Variants in AMDHD1 observed in about 807,000 individuals in gnomAD.
AMDHD1 encodes amidohydrolase domain containing 1, also known as probable imidazolonepropionase.
AMDHD1 carries 45 observed loss-of-function variants against 44.1 expected under a neutral mutation model. The observed-to-expected ratio is 1.02, with a 90% CI of 0.80 to 1.31. AMDHD1 has a LOEUF of 1.31. Among genes scored for constraint, AMDHD1 ranks in the 50% most tolerant of loss-of-function variants. AMDHD1 has a pLI of 0.00. For synonymous variants in AMDHD1, 206 were observed against 205.0 expected, an observed-to-expected ratio of 1.00 and a Z score of -0.04; for missense variants, 586 against 552.1, an observed-to-expected ratio of 1.06 and a Z score of -0.61.
intron 4 of AMDHD1, among the ~76,000 whole-genome samples, chr12:95,957,768 T>C (rs956130580): frequency 2.6e-5 from 4 of 152,208 alleles, no homozygotes; most frequent in African/African-American, 7.2e-5. Context: ...AATTCCGTTT[T>C]TAGGCCAGGC....
Position 95,966,296 on chromosome 12 carries a change from T to C in AMDHD1, c.1033-52T>C, listed in dbSNP as rs77796595. 206 of 1,598,716 alleles carry C rather than the reference T, an allele frequency of 1.3e-4. No individual in the cohort carries two copies. In the African/African-American group the frequency reaches 2.4e-3, roughly 18 times the overall value. ...GTGCTGTGTTGAGAAATGTTTTAAATTGCAGTTGCCATATGTCACTTTCCT... is the reference window on the plus strand; with the variant it reads ...GTGCTGTGTTGAGAAATGTTTTAAACTGCAGTTGCCATATGTCACTTTCCT... On this transcript the variant is annotated intron_variant, in intron 7 of 8. Coordinates refer to ENST00000266736, the MANE Select transcript of AMDHD1 (RefSeq NM_152435.3).
intron 6 of AMDHD1, 33 bp from the exon 7 acceptor site, chr12:95,965,652 TC>T: frequency 6.7e-7 from 1 of 1,492,274 alleles, no homozygotes; most frequent in South Asian, 1.2e-5. Flanking sequence ...AAGCTCCCAT[TC>T]TAGAGACTGA....
Position 95,967,679 on chromosome 12 carries a change from T to C in AMDHD1, c.1194-77T>C, listed in dbSNP as rs1057427968. On this transcript the variant is annotated intron_variant, in intron 8 of 8. Transcript: ENST00000266736. Reference sequence around the variant, plus strand: ...ATGTGTAGGGAATGCATTTTAAAATTAGCATTTATTGATAAAGTAATAATT... The same window carrying C: ...ATGTGTAGGGAATGCATTTTAAAATCAGCATTTATTGATAAAGTAATAATT... 6.9e-6 allele frequency: 8 copies of C among 1,160,988 alleles called. No individual in the cohort carries two copies. The Admixed American group carries it at 2.2e-4, about 32-fold the overall frequency. The allele number at this position is 1,160,988 out of a possible 1,614,324, so 71.9% of individuals were successfully genotyped here.
chr12:95,957,481 T>C (rs2080557884), intron 4 of AMDHD1, among the ~76,000 whole-genome samples: 1 of 152,192 alleles, frequency 6.6e-6, no homozygotes, highest in South Asian at 2.1e-4. Context: ...TGTAGAGAAC[T>C]CTGTTCCTTT....
At chr12:95,945,279 G>A (rs1251504901) in intron 1 of AMDHD1, among the ~76,000 whole-genome samples, 1 of 152,194 alleles carries the variant, frequency 6.6e-6, no homozygotes, top group Non-Finnish European at 1.5e-5. Flanking sequence ...TCTGGAAGAT[G>A]GGGCTTTTTC....
At position 95,943,521 on chromosome 12, in the gene AMDHD1, C is replaced by T. The variant is rs17852641; in HGVS notation, c.123C>T (p.Ser41=). 6.8e-7 allele frequency: 1 copy of T among 1,474,584 alleles called. No individual in the cohort carries two copies. Among genetic ancestry groups the T allele is most frequent in the Non-Finnish European group, 9.0e-7 (1 of 1,116,406 alleles). 91.3% of individuals were successfully genotyped at this position (1,474,584 alleles called of 1,614,324 possible). A position where few individuals can be genotyped will look rare whatever the true frequency, so the allele number is the denominator to read the frequency against. Residue 41 remains serine (S), a synonymous_variant, in exon 1 of 9, where the codon AGC becomes AGT. Coordinates refer to ENST00000266736, the MANE Select transcript of AMDHD1 (RefSeq NM_152435.3). ...GCCTGGCGGTGCTGGAAGGCGCCAGCCTGGTGGTGGGCAAGTAAGTGGCCG... is the reference window on the plus strand; with the variant it reads ...GCCTGGCGGTGCTGGAAGGCGCCAGTCTGGTGGTGGGCAAGTAAGTGGCCG... ...LRSLAVLEGA[S]LVVGKDGFIK... is the part of the protein sequence containing the mutation.
intron 1 of AMDHD1, among the ~76,000 whole-genome samples, chr12:95,946,777 C>A (rs1283169332): frequency 6.4e-5 from 2 of 31,298 alleles, no homozygotes; most frequent in Non-Finnish European, 1.1e-4. Context: ...AGGCACGCGC[C>A]GCCACGCCTG....
chr12:95,943,416 C>A lies in AMDHD1; in HGVS notation c.18C>A (p.Ser6Arg). The change falls in exon 1 of 9, where the codon AGC (serine) becomes AGA (arginine). Residue 6 changes from serine to arginine, a missense_variant. Ser to Arg is a moderately radical substitution (Grantham distance 110, BLOSUM62 -1). Coordinates refer to ENST00000266736, the MANE Select transcript of AMDHD1 (RefSeq NM_152435.3). ...GAGGCGACATGGCAAGCGGCCACAGCCTCCTGCTGGAGAACGCGCAGCAAG... is the reference window on the plus strand; with the variant it reads ...GAGGCGACATGGCAAGCGGCCACAGACTCCTGCTGGAGAACGCGCAGCAAG... MASGH[S>R]LLLENAQQVV... is the part of the protein sequence containing the mutation. The A allele has an allele frequency of 6.7e-7, 1 of 1,503,208 alleles. No homozygotes were observed. The allele number at this position is 1,503,208 out of a possible 1,614,324, so 93.1% of individuals were successfully genotyped here.
intron 6 of AMDHD1, among the ~76,000 whole-genome samples, chr12:95,963,118 C>T (rs2080590954): frequency 6.6e-6 from 1 of 152,140 alleles, no homozygotes; most frequent in East Asian, 1.9e-4. Flanking sequence ...ATATGATATC[C>T]AAGATTGTGG....
At chr12:95,958,784 G>A (rs1039545197) in intron 4 of AMDHD1, among the ~76,000 whole-genome samples, 7 of 152,154 alleles carry the variant, frequency 4.6e-5, no homozygotes, top group African/African-American at 1.4e-4. Flanking sequence ...GGCAGGGCAC[G>A]GTGGCACATA....
chr12:95,960,812 T>G (rs959955983), intron 5 of AMDHD1, among the ~76,000 whole-genome samples, 189 bp downstream of exon 5: 6 of 152,208 alleles, frequency 3.9e-5, no homozygotes, highest in Non-Finnish European at 7.3e-5. Flanking sequence ...ACTTTTTTGC[T>G]GATGATTTAC....
chr12:95,962,172 G>A (rs1320749559), intron 5 of AMDHD1, among the ~76,000 whole-genome samples, 183 bp from the exon 6 acceptor site: 2 of 152,240 alleles, frequency 1.3e-5, no homozygotes, highest in South Asian at 2.1e-4. Flanking sequence ...AGGCTGAGGT[G>A]GGAGAATTGC....
At position 95,967,849 on chromosome 12, in the gene AMDHD1, T is replaced by G; in HGVS notation, c.*6T>G. 1 of 1,548,900 alleles carries G rather than the reference T, an allele frequency of 6.5e-7. No homozygotes were observed. Among genetic ancestry groups the G allele is most frequent in the East Asian group, 2.3e-5 (1 of 44,034 alleles). On this transcript the variant is annotated 3_prime_UTR_variant, in exon 9 of 9. Transcript: ENST00000266736. ...AACTCATCTATAAAACATGATAGATTTGAAAAGAGAAGACTTTTTGACTAT... is the reference window on the plus strand; with the variant it reads ...AACTCATCTATAAAACATGATAGATGTGAAAAGAGAAGACTTTTTGACTAT...
intron 3 of AMDHD1, 22 bp from the exon 4 acceptor site, chr12:95,956,663 T>G (rs1268889603): frequency 6.2e-7 from 1 of 1,611,604 alleles, no homozygotes; most frequent in Non-Finnish European, 8.5e-7. Flanking sequence ...TGTGCTGGCC[T>G]AAAGGTGAGG....
intron 6 of AMDHD1, among the ~76,000 whole-genome samples, chr12:95,965,163 G>A (rs2080603189): frequency 6.6e-6 from 1 of 151,846 alleles, no homozygotes; most frequent in Non-Finnish European, 1.5e-5. Context: ...CCTGGGCGTG[G>A]TGGTGGGTGC....
Position 95,965,702 on chromosome 12 carries a change from G to A in AMDHD1, c.955G>A (p.Ala319Thr), listed in dbSNP as rs1462145993. 1 of 1,612,460 alleles carries A rather than the reference G, an allele frequency of 6.2e-7. No individual in the cohort carries two copies. Among genetic ancestry groups the A allele is most frequent in the South Asian group, 1.1e-5 (1 of 90,688 alleles). ...TCCCCTTAGACTGAAACAACCTCGA[G>A]CCAGGAAGATGTTAGATGAAGGAGT... is the stretch of plus-strand genomic sequence containing the variant. ...AYMLRLKQPR[A>T]RKMLDEGVIV... The change falls in exon 7 of 9, where the codon GCC (alanine) becomes ACC (threonine). Residue 319 changes from alanine to threonine, a missense_variant. By Grantham distance (58) the Ala-to-Thr change is moderately conservative (BLOSUM62 0). Transcript: ENST00000266736.
chr12:95,962,564 A>G, intron 6 of AMDHD1, 85 bp downstream of exon 6: 1 of 1,409,354 alleles, frequency 7.1e-7, no homozygotes, highest in Non-Finnish European at 9.4e-7. Context: ...ACATTATTTC[A>G]TTGCCCTTAC....
At chr12:95,960,707 G>A in intron 5 of AMDHD1, 84 bp downstream of exon 5, 1 of 1,373,564 alleles carries the variant, frequency 7.3e-7, no homozygotes, top group Non-Finnish European at 1.0e-6. Context: ...TTTCTTCAAA[G>A]CCCTCTGAAA....
At chr12:95,964,300 C>T (rs1415571506) in intron 6 of AMDHD1, among the ~76,000 whole-genome samples, 2 of 152,182 alleles carry the variant, frequency 1.3e-5, no homozygotes, top group Non-Finnish European at 2.9e-5. Context: ...GAGAGACCAG[C>T]AGGGCCCCCT....
Sources: allele counts gnomAD v4.1 joint callset (sites outside exome capture counted in the v4.1 genomes callset), GRCh38; gene constraint gnomAD v4.1.1; transcripts MANE v1.5; gene names NCBI Gene and HGNC (gene_info 2026-07-23, HGNC 2026-07-21).